CPT1A: variants seen among roughly 807,000 people sequenced by gnomAD.
The protein encoded by CPT1A is carnitine palmitoyltransferase 1A.
A neutral mutation model predicts 100.8 loss-of-function variants in CPT1A; 64 were observed. That is an observed-to-expected ratio of 0.63 (90% CI 0.52 to 0.78). CPT1A has a LOEUF of 0.78. Ranked by LOEUF, CPT1A falls within the 30% of genes least tolerant of loss-of-function variation. The pLI is 0.00. For missense variants in CPT1A, 802 were observed against 1,034.1 expected, an observed-to-expected ratio of 0.78 and a Z score of 3.08; for synonymous variants, 363 against 396.0, an observed-to-expected ratio of 0.92 and a Z score of 0.99.
At chr11:68,812,705 G>T in intron 2 of CPT1A, 129 bp from the exon 3 acceptor site, 1 of 1,057,550 alleles carries the variant, frequency 9.5e-7, no homozygotes, top group Non-Finnish European at 1.4e-6. Flanking sequence ...CAGCGTGCGT[G>T]CACTGAGAAA....
At chr11:68,761,415 A>T in intron 16 of CPT1A, 120 bp downstream of exon 16, 1 of 1,173,092 alleles carries the variant, frequency 8.5e-7, no homozygotes. Flanking sequence ...AGCTACACCC[A>T]CAGACCCGTT....
At chr11:68,761,200 CATAAACTTACAATAAA>C (rs1395714344) in intron 16 of CPT1A, among the ~76,000 whole-genome samples, 1 of 150,324 alleles carries the variant, frequency 6.7e-6, no homozygotes, top group African/African-American at 2.5e-5. Context: ...TAATATATTT[CATAAACTTACAATAAA>C]ATAAAGGATT....
At position 68,793,536 on chromosome 11, in the gene CPT1A, T is replaced by G. The variant is rs3763830; in HGVS notation, c.880-134A>C. On this transcript the variant is annotated intron_variant, in intron 8 of 18. Transcript: ENST00000265641. Reference sequence around the variant, plus strand: ...TGAGGCGGGCGGATCACGAGGTCAGTAGATGGAGACCATCCTGGCTAACAC... The same window carrying G: ...TGAGGCGGGCGGATCACGAGGTCAGGAGATGGAGACCATCCTGGCTAACAC... 66,306 of 628,980 alleles carry G rather than the reference T, an allele frequency of 0.11. 4,059 individuals carry two copies. The highest frequency in any genetic ancestry group is 0.19 in the African/African-American group (10,309 of 54,936). 39.0% of individuals were successfully genotyped at this position (628,980 alleles called of 1,614,324 possible).
At chr11:68,760,025 A>T (rs7944039) in intron 17 of CPT1A, among the ~76,000 whole-genome samples, 200 bp downstream of exon 17, 13 of 152,270 alleles carry the variant, frequency 8.5e-5, no homozygotes, top group African/African-American at 2.9e-4. Context: ...TGGGTGACAG[A>T]GCGAGACCTT....
At chr11:68,824,488 A>C (rs2154002080) in intron 1 of CPT1A, among the ~76,000 whole-genome samples, 1 of 152,300 alleles carries the variant, frequency 6.6e-6, no homozygotes, top group South Asian at 2.1e-4. Flanking sequence ...AAATTTAAAA[A>C]AAGACTCATT....
At chr11:68,765,911 G>A (rs1055145597) in intron 14 of CPT1A, among the ~76,000 whole-genome samples, 1 of 151,090 alleles carries the variant, frequency 6.6e-6, no homozygotes, top group Admixed American at 6.6e-5. Flanking sequence ...TCACTCTGTC[G>A]CCCAGGCTGG....
chr11:68,829,725 A>T (rs1318010963), intron 1 of CPT1A, among the ~76,000 whole-genome samples: 3 of 152,190 alleles, frequency 2.0e-5, no homozygotes, highest in Non-Finnish European at 2.9e-5. Context: ...TAAGTAAAAC[A>T]GGAGGACCCT....
chr11:68,761,169 C>T (rs1946802478), intron 16 of CPT1A, among the ~76,000 whole-genome samples: 1 of 151,152 alleles, frequency 6.6e-6, no homozygotes, highest in Non-Finnish European at 1.5e-5. Context: ...CACTGTAAGA[C>T]CCTGTCTCAA....
At chr11:68,789,404 AT>A (rs766491901) in intron 9 of CPT1A, among the ~76,000 whole-genome samples, 98 of 145,036 alleles carry the variant, frequency 6.8e-4, no homozygotes, top group Middle Eastern at 3.6e-3. Flanking sequence ...ACCTTTCTTT[AT>A]TTTTTTTTTT....
chr11:68,761,660 A>G lies in CPT1A; in HGVS notation c.1903T>C (p.Leu635=), dbSNP rs372215145. 1.7e-5 allele frequency: 27 copies of G among 1,614,080 alleles called. No individual in the cohort carries two copies. Among genetic ancestry groups the G allele is most frequent in the Non-Finnish European group, 2.3e-5 (27 of 1,180,032 alleles). The part of the protein sequence containing the change: ...TVEQRLKLFK[L]ASEKHQHMYR... ...ATATGCTGATGCTTCTCAGACGCCA[A>G]CTTGAACAACTTCAGCCTCTGTTCC... Residue 635 remains leucine (L), a synonymous_variant, in exon 16 of 19, where the codon TTG becomes CTG. Transcript: ENST00000265641.
intron 6 of CPT1A, among the ~76,000 whole-genome samples, chr11:68,798,548 G>C (rs1855817543): frequency 6.6e-6 from 1 of 152,154 alleles, no homozygotes; most frequent in Non-Finnish European, 1.5e-5. Flanking sequence ...AGCCCAGCCA[G>C]CTCCCCGCAC....
intron 1 of CPT1A, chr11:68,839,788 C>G (rs1857116360): frequency 4.5e-6 from 4 of 889,446 alleles, no homozygotes; most frequent in African/African-American, 1.8e-5. Flanking sequence ...CCAGGGCTCC[C>G]CGGAGGCCCA....
At chr11:68,785,114 CTG>C in intron 9 of CPT1A, 104 bp from the exon 10 acceptor site, 1 of 943,346 alleles carries the variant, frequency 1.1e-6, no homozygotes, top group Non-Finnish European at 1.7e-6. Context: ...AGTCCCTGCT[CTG>C]CGTCTCTCCA....
intron 3 of CPT1A, among the ~76,000 whole-genome samples, chr11:68,811,948 CG>C (rs11323138): frequency 0.14 from 21,930 of 151,922 alleles, 2,012 homozygotes; most frequent in African/African-American, 0.26. Flanking sequence ...GTAGGAGGGA[CG>C]GGGGGGTCCC....
At chr11:68,786,020 G>A (rs1393273948) in intron 9 of CPT1A, 26 of 702,216 alleles carry the variant, frequency 3.7e-5, no homozygotes, top group Non-Finnish European at 6.0e-5. Flanking sequence ...AGTGACAGCT[G>A]ATCAAGGCAG....
intron 15 of CPT1A, 40 bp downstream of exon 15, chr11:68,762,587 G>A: frequency 6.2e-7 from 1 of 1,610,718 alleles, no homozygotes; most frequent in Non-Finnish European, 8.5e-7. Context: ...TTAGGGAAGT[G>A]TGACAAGCAC....
In CPT1A at chr11:68,780,700, C is replaced by A. The variant is rs1855283891; in HGVS notation, c.1398G>T (p.Lys466Asn). 1 of 1,614,120 alleles carries A rather than the reference C, an allele frequency of 6.2e-7. No individual in the cohort carries two copies. Among genetic ancestry groups the A allele is most frequent in the Non-Finnish European group, 8.5e-7 (1 of 1,180,038 alleles). ...SFTFVVFKNGKMGLNAEHSWA... is the reference protein window; with the variant it reads ...SFTFVVFKNGNMGLNAEHSWA... ...AGGAGTGTTCAGCGTTGAGGCCCATCTTCCCGTTTTTGAAGACAACAAACG... is the reference window on the plus strand; with the variant it reads ...AGGAGTGTTCAGCGTTGAGGCCCATATTCCCGTTTTTGAAGACAACAAACG... Residue 466 changes from lysine to asparagine, a missense_variant, in exon 12 of 19, where the codon AAG (lysine) becomes AAT (asparagine). Physicochemically the swap from Lys to Asn is moderately conservative, Grantham distance 94. Around this residue, in one of 4 missense-constraint regions of CPT1A, gnomAD observed 627 missense variants for 799.3 expected, o/e 0.78. Coordinates refer to ENST00000265641, the MANE Select transcript of CPT1A (RefSeq NM_001876.4).
intron 6 of CPT1A, among the ~76,000 whole-genome samples, chr11:68,797,910 A>G (rs4930613): frequency 0.8 from 121,581 of 152,072 alleles, 49,506 homozygotes; most frequent in South Asian, 0.89. Flanking sequence ...CCTGGGAGGC[A>G]GAGCTTGCAG....
At chr11:68,762,916 G>T (rs1854671881) in intron 14 of CPT1A, among the ~76,000 whole-genome samples, 155 bp from the exon 15 acceptor site, 1 of 152,198 alleles carries the variant, frequency 6.6e-6, no homozygotes, top group Non-Finnish European at 1.5e-5. Flanking sequence ...GCATGCAGTA[G>T]CATGATCACA....
Sources: allele counts gnomAD v4.1 joint callset (sites outside exome capture counted in the v4.1 genomes callset), GRCh38; gene constraint gnomAD v4.1.1; regional missense constraint gnomAD v4.1.1; transcripts MANE v1.5; gene names NCBI Gene and HGNC (gene_info 2026-07-23, HGNC 2026-07-21).